AXDND1: variants seen among roughly 807,000 people sequenced by gnomAD.
AXDND1 encodes the protein axonemal dynein light chain domain-containing protein 1.
AXDND1 carries 110 observed loss-of-function variants against 137.5 expected under a neutral mutation model. The observed-to-expected ratio is 0.80, with a 90% confidence interval of 0.69 to 0.94. AXDND1 has a LOEUF of 0.94. Among genes scored for constraint, AXDND1 ranks in the 40% least tolerant of loss-of-function variants. The pLI is 0.00. For synonymous variants in AXDND1, 414 were observed against 399.7 expected, an observed-to-expected ratio of 1.04 and a Z score of -0.43; for missense variants, 1,191 against 1,169.8, an observed-to-expected ratio of 1.02 and a Z score of -0.26.
At chr1:179,382,469 C>G (rs1648535734) in intron 6 of AXDND1, among the ~76,000 whole-genome samples, 2 of 152,138 alleles carry the variant, frequency 1.3e-5, no homozygotes, top group Admixed American at 1.3e-4. Flanking sequence ...TGGCCATGTC[C>G]CGATGATTAT....
chr1:179,524,829 A>G (rs1336111745), intron 21 of AXDND1, among the ~76,000 whole-genome samples: 1 of 152,200 alleles, frequency 6.6e-6, no homozygotes, highest in African/African-American at 2.4e-5. Flanking sequence ...ATGCAAAGCA[A>G]ATCAACCAAT....
intron 25 of AXDND1, among the ~76,000 whole-genome samples, chr1:179,553,086 A>G (rs9286930): frequency 0.42 from 63,491 of 152,166 alleles, 13,914 homozygotes; most frequent in African/African-American, 0.55. Flanking sequence ...TGATTTTGAA[A>G]AGGGTACAAC....
chr1:179,424,541 C>T (rs1210899062), intron 12 of AXDND1, among the ~76,000 whole-genome samples: 2 of 151,596 alleles, frequency 1.3e-5, no homozygotes, highest in African/African-American at 4.9e-5. Flanking sequence ...GATTCTCCTG[C>T]CTCAGTCTCC....
At chr1:179,415,124 C>T (rs938127047) in intron 12 of AXDND1, among the ~76,000 whole-genome samples, 2 of 152,164 alleles carry the variant, frequency 1.3e-5, no homozygotes, top group Non-Finnish European at 2.9e-5. Flanking sequence ...AGTGGATCAC[C>T]TGAGGTTAGG....
At chr1:179,423,126 A>G (rs977304506) in intron 12 of AXDND1, among the ~76,000 whole-genome samples, 1 of 152,058 alleles carries the variant, frequency 6.6e-6, no homozygotes. Flanking sequence ...TGTTGGGCGT[A>G]TAATTGTTAC....
chr1:179,552,989 C>A lies in AXDND1; in HGVS notation c.3032-1523C>A, dbSNP rs185627119. ...GCTTAGGATATAATCTAAGCCCCAA[C>A]TAATAAATTTGAACAATGGCTTGAA... On this transcript the variant is annotated intron_variant, in intron 25 of 25. Transcript: ENST00000367618. Among the ~76,000 whole-genome samples, 306 of 152,264 alleles carry A rather than the reference C, an allele frequency of 2.0e-3. 1 individual carries two copies. Among genetic ancestry groups the A allele is most frequent in the Non-Finnish European group, 1.9e-3 (128 of 68,008 alleles).
intron 23 of AXDND1, among the ~76,000 whole-genome samples, chr1:179,529,945 T>C (rs977911999): frequency 1.3e-5 from 2 of 152,182 alleles, no homozygotes; most frequent in African/African-American, 4.8e-5. Context: ...TCAACAAGTT[T>C]TAAAAATAAT....
At chr1:179,455,852 T>A (rs762821014) in intron 16 of AXDND1, 130 of 179,008 alleles carry the variant, frequency 7.3e-4, no homozygotes, top group Non-Finnish European at 1.4e-3. Flanking sequence ...ATTTTTATTA[T>A]TTAGTTTAAG....
chr1:179,453,146 G>A (rs1405267158), intron 16 of AXDND1: 2 of 152,274 alleles, frequency 1.3e-5, no homozygotes, highest in Admixed American at 6.5e-5. Flanking sequence ...ACGCCTGGAT[G>A]CCCAGGCAGA....
At chr1:179,482,809 A>G (rs6677867) in intron 17 of AXDND1, among the ~76,000 whole-genome samples, 68,995 of 151,274 alleles carry the variant, frequency 0.46, 16,616 homozygotes, top group East Asian at 0.76. Flanking sequence ...TTTAAAATTC[A>G]TTCTTCTCAC....
chr1:179,391,965 C>T (rs990984756), intron 9 of AXDND1, among the ~76,000 whole-genome samples: 14 of 152,152 alleles, frequency 9.2e-5, no homozygotes, highest in Non-Finnish European at 1.9e-4. Context: ...CCTGAGGCCT[C>T]CCCAGCTCTG....
chr1:179,442,275 G>A (rs1304803999), intron 15 of AXDND1, among the ~76,000 whole-genome samples: 2 of 152,166 alleles, frequency 1.3e-5, no homozygotes, highest in African/African-American at 4.8e-5. Flanking sequence ...TGGAGCTGTG[G>A]GTGGGACGAC....
intron 16 of AXDND1, among the ~76,000 whole-genome samples, chr1:179,462,051 T>C (rs903626688): frequency 3.9e-5 from 6 of 152,210 alleles, no homozygotes; most frequent in Admixed American, 3.9e-4. Flanking sequence ...TTCTCCTGCC[T>C]GATTGCCCTG....
chr1:179,521,933 AG>A (rs1670100296), intron 21 of AXDND1, among the ~76,000 whole-genome samples: 1 of 151,792 alleles, frequency 6.6e-6, no homozygotes, highest in South Asian at 2.1e-4. Context: ...TCTATTTTTA[AG>A]GTCGTCTTTT....
chr1:179,480,653 TTTG>T (rs961944273), intron 17 of AXDND1, among the ~76,000 whole-genome samples: 5 of 152,158 alleles, frequency 3.3e-5, no homozygotes, highest in Admixed American at 6.5e-5. Flanking sequence ...AAGGTTTCTT[TTTG>T]TTGTTGTTGT....
At position 179,429,569 on chromosome 1, in the gene AXDND1, A is replaced by G; in HGVS notation, c.1282A>G (p.Lys428Glu). The G allele has an allele frequency of 6.3e-7, 1 of 1,578,730 alleles. No individual in the cohort carries two copies. The highest frequency in any genetic ancestry group is 2.4e-5 in the East Asian group (1 of 42,406). ...GGCTAGAAGACTTTACCTTAATGAA[A>G]AAGGCTGGAATAAATACACTAAGCA... ...ILARRLYLNE[K>E]GWNKYTKHFI... Residue 428 changes from lysine to glutamate, a missense_variant, in exon 13 of 26, where the codon AAA becomes GAA. Lys to Glu is a moderately conservative substitution (Grantham distance 56). Transcript: ENST00000367618.
chr1:179,479,497 G>A (rs969940813), intron 17 of AXDND1, among the ~76,000 whole-genome samples: 2 of 144,366 alleles, frequency 1.4e-5, no homozygotes, highest in African/African-American at 5.4e-5. Context: ...AAGGAAAAAG[G>A]CTGGGTGTGG....
chr1:179,541,673 A>ATGT (rs1672168760), intron 25 of AXDND1, among the ~76,000 whole-genome samples: 1 of 135,456 alleles, frequency 7.4e-6, no homozygotes, highest in Non-Finnish European at 1.7e-5. Context: ...GATAATATGC[A>ATGT]TAATAATATT....
chr1:179,514,540 T>G (rs1238185255), intron 21 of AXDND1, among the ~76,000 whole-genome samples: 1 of 152,118 alleles, frequency 6.6e-6, no homozygotes, highest in East Asian at 1.9e-4. Flanking sequence ...GTGTATTCTG[T>G]GGTTGTTGGA....
Sources: gnomAD v4.1 joint callset for allele counts (sites outside exome capture counted in the v4.1 genomes callset) on GRCh38, gnomAD v4.1.1 for gene constraint, MANE v1.5 for transcripts, NCBI Gene and HGNC (gene_info 2026-07-23, HGNC 2026-07-21) for gene names.